The following KCNH1 variants were observed in gnomAD, a reference collection of about 807,000 sequenced individuals.
KCNH1 encodes the protein potassium voltage-gated channel subfamily H member 1, also known as voltage-gated delayed rectifier potassium channel KCNH1.
Under a neutral mutation model 69.2 loss-of-function variants are expected in KCNH1, and 27 were observed. The observed-to-expected ratio is 0.39, with a 90% CI of 0.29 to 0.54. The LOEUF (loss-of-function observed/expected upper bound fraction) is 0.54. Among genes scored for constraint, KCNH1 ranks in the 20% least tolerant of loss-of-function variants. The pLI is 0.68. For missense variants in KCNH1, 798 were observed against 1,261.6 expected (o/e 0.63, Z 5.57); for synonymous variants, 456 against 487.7 (o/e 0.93, Z 0.86).
chr1:210,996,371 G>C (rs905496023), intron 6 of KCNH1, among the ~76,000 whole-genome samples: 18 of 152,244 alleles, frequency 1.2e-4, no homozygotes, highest in African/African-American at 3.6e-4. Context: ...TACGCCCATG[G>C]AGTCTCGCTC....
At chr1:210,881,127 C>T (rs1352279863) in intron 7 of KCNH1, among the ~76,000 whole-genome samples, 6 of 151,822 alleles carry the variant, frequency 4.0e-5, no homozygotes, top group Non-Finnish European at 8.8e-5. Flanking sequence ...AAGCGATTCT[C>T]GTGCCTCAGC....
chr1:210,764,728 G>A (rs2102355851), intron 10 of KCNH1, among the ~76,000 whole-genome samples: 1 of 152,214 alleles, frequency 6.6e-6, no homozygotes, highest in South Asian at 2.1e-4. Context: ...GGTAAGGTTG[G>A]GAAGAAAAGG....
chr1:211,012,018 C>A (rs1010234918), intron 6 of KCNH1, among the ~76,000 whole-genome samples: 12 of 152,196 alleles, frequency 7.9e-5, no homozygotes, highest in Admixed American at 6.5e-5. Flanking sequence ...GAGAAATGCA[C>A]TCATCCGCAG....
intron 10 of KCNH1, among the ~76,000 whole-genome samples, chr1:210,697,114 CT>C (rs1681662342): frequency 1.3e-5 from 2 of 152,236 alleles, no homozygotes; most frequent in Admixed American, 1.3e-4. Flanking sequence ...GAACCCAAGT[CT>C]GCTGATATCC....
intron 6 of KCNH1, among the ~76,000 whole-genome samples, chr1:211,013,132 C>T (rs1485011832): frequency 6.6e-6 from 1 of 152,200 alleles, no homozygotes; most frequent in Non-Finnish European, 1.5e-5. Context: ...AACTGAAATG[C>T]TAGCCATCTA....
At chr1:210,984,831 A>T (rs987385020) in intron 6 of KCNH1, among the ~76,000 whole-genome samples, 10 of 152,056 alleles carry the variant, frequency 6.6e-5, no homozygotes, top group African/African-American at 1.2e-4. Context: ...CTCTTTTTCT[A>T]TTGATTGGAA....
chr1:210,905,271 A>G (rs1687078292), intron 7 of KCNH1, among the ~76,000 whole-genome samples: 1 of 152,206 alleles, frequency 6.6e-6, no homozygotes, highest in Non-Finnish European at 1.5e-5. Flanking sequence ...TAATAGTCCC[A>G]TCTCACAGGG....
At chr1:210,765,544 T>C (rs1683611613) in intron 10 of KCNH1, among the ~76,000 whole-genome samples, 1 of 152,150 alleles carries the variant, frequency 6.6e-6, no homozygotes, top group African/African-American at 2.4e-5. Flanking sequence ...TACATGTAAA[T>C]GCGTTAACTC....
chr1:211,109,663 A>C (rs929815417), intron 1 of KCNH1, among the ~76,000 whole-genome samples: 1 of 152,190 alleles, frequency 6.6e-6, no homozygotes, highest in Non-Finnish European at 1.5e-5. Flanking sequence ...TTGACCACAT[A>C]TGTTTATTTT....
intron 6 of KCNH1, among the ~76,000 whole-genome samples, chr1:210,986,572 G>C (rs1295009342): frequency 1.1e-4 from 16 of 151,920 alleles, no homozygotes; most frequent in Admixed American, 2.0e-4. Context: ...TGAAATTCTT[G>C]GTTGAAAATT....
chr1:210,762,305 T>C (rs916339326), intron 10 of KCNH1, among the ~76,000 whole-genome samples: 2 of 151,876 alleles, frequency 1.3e-5, no homozygotes, highest in Non-Finnish European at 2.9e-5. Context: ...CAACCTAAGA[T>C]CAGAGCTAAA....
chr1:211,102,616 A>C (rs1001835988), intron 3 of KCNH1, among the ~76,000 whole-genome samples: 5 of 152,128 alleles, frequency 3.3e-5, no homozygotes, highest in African/African-American at 1.2e-4. Context: ...CCAATACCGC[A>C]GACCTGAAAA....
At chr1:210,977,668 T>C (rs1688639881) in intron 6 of KCNH1, among the ~76,000 whole-genome samples, 2 of 152,196 alleles carry the variant, frequency 1.3e-5, no homozygotes, top group Non-Finnish European at 2.9e-5. Flanking sequence ...GCTGGGTCAG[T>C]AGATTCAAAG....
chr1:210,810,090 C>T (rs1457053907), intron 7 of KCNH1, among the ~76,000 whole-genome samples: 2 of 152,092 alleles, frequency 1.3e-5, no homozygotes, highest in East Asian at 3.9e-4. Context: ...TTTTATGAGA[C>T]ATCTTCTAAT....
In KCNH1 at chr1:210,862,017, A is replaced by G. The variant is rs555166383; in HGVS notation, c.1462+57623T>C. On this transcript the variant is annotated intron_variant, in intron 7 of 10. Transcript: ENST00000271751. ...TGGCTTCTACAATATTTTCTCAAAT[A>G]CAATGGCAATCTTCTTCTGGAATAG... 6.9e-4 allele frequency: 539 copies of G among 776,438 alleles called. 4 individuals carry two copies. The South Asian group carries it at 7.2e-3, about 10-fold the overall frequency. 48.1% of individuals were successfully genotyped at this position (776,438 alleles called of 1,614,324 possible).
In KCNH1 at chr1:210,859,268, G is replaced by A. The variant is rs1394900981; in HGVS notation, c.1463-55102C>T. ...TCCTCCATGCTTCTCAATCATTTTG[G>A]ATTCATGAGCTGCTCTTCTTTGATT... On this transcript the variant is annotated intron_variant, in intron 7 of 10. Transcript: ENST00000271751. The A allele has an allele frequency of 2.5e-6, 4 of 1,605,590 alleles. No homozygotes were observed. In the East Asian group the frequency reaches 8.9e-5, roughly 36 times the overall value.
At chr1:210,719,430 C>A (rs946213044) in intron 10 of KCNH1, among the ~76,000 whole-genome samples, 1 of 152,120 alleles carries the variant, frequency 6.6e-6, no homozygotes, top group Admixed American at 6.6e-5. Flanking sequence ...TCATTCTCAG[C>A]AAACTAACAC....
intron 7 of KCNH1, among the ~76,000 whole-genome samples, chr1:210,903,845 C>G (rs146484767): frequency 6.6e-6 from 1 of 152,270 alleles, no homozygotes; most frequent in African/African-American, 2.4e-5. Flanking sequence ...GGTGGTAAAA[C>G]AGAGGCATAG....
At chr1:210,982,318 G>A (rs1050288300) in intron 6 of KCNH1, among the ~76,000 whole-genome samples, 22 of 151,886 alleles carry the variant, frequency 1.4e-4, no homozygotes, top group African/African-American at 5.3e-4. Flanking sequence ...TGTGCACAAC[G>A]TGCAGGTTTG....
Sources: allele counts gnomAD v4.1 joint callset (sites outside exome capture counted in the v4.1 genomes callset), GRCh38; gene constraint gnomAD v4.1.1; transcripts MANE v1.5; gene names NCBI Gene and HGNC (gene_info 2026-07-23, HGNC 2026-07-21).